The following UNC79 variants were observed in gnomAD, a reference collection of about 807,000 sequenced individuals.
UNC79 encodes the protein protein unc-79 homolog.
UNC79 carries 37 observed loss-of-function variants against 283.1 expected under a neutral mutation model. That is an observed-to-expected ratio of 0.13 (90% CI 0.10 to 0.17). UNC79 has a LOEUF of 0.17. Among genes scored for constraint, UNC79 ranks in the 10% least tolerant of loss-of-function variants. The pLI is 1.00. For missense variants in UNC79, 2,272 were observed against 3,211.1 expected (o/e 0.71, Z 7.07); for synonymous variants, 1,107 against 1,200.2 (o/e 0.92, Z 1.61).
chr14:93,547,446 TG>T (rs2061656517), intron 14 of UNC79, among the ~76,000 whole-genome samples: 5 of 152,332 alleles, frequency 3.3e-5, no homozygotes, highest in African/African-American at 1.2e-4. Flanking sequence ...ATTTAGGATT[TG>T]GCTTTGGAAA....
intron 1 of UNC79, among the ~76,000 whole-genome samples, chr14:93,401,745 A>G (rs923928427): frequency 2.0e-5 from 3 of 152,182 alleles, no homozygotes; most frequent in African/African-American, 7.2e-5. Context: ...AAATTGCCCA[A>G]TGTCTTGTGA....
chr14:93,706,845 A>G (rs2075914045), exon 49 of UNC79: 1 of 1,614,136 alleles, frequency 6.2e-7, no homozygotes, highest in Admixed American at 1.7e-5. Context: ...CACTCAGTTC[A>G]AAATGGCCCA....
At chr14:93,590,827 T>G (rs1200734581) in intron 22 of UNC79, among the ~76,000 whole-genome samples, 1 of 152,222 alleles carries the variant, frequency 6.6e-6, no homozygotes, top group Non-Finnish European at 1.5e-5. Context: ...CTGCCTGGTT[T>G]GCATTCTTCA....
chr14:93,634,704 TCTG>T, intron 31 of UNC79, 67 bp downstream of exon 34: 2 of 1,356,722 alleles, frequency 1.5e-6, no homozygotes, highest in Non-Finnish European at 2.1e-6. Flanking sequence ...CTGTGTCCAC[TCTG>T]CTCCCTTGTT....
At chr14:93,467,090 A>C (rs567943373) in intron 1 of UNC79, among the ~76,000 whole-genome samples, 1 of 152,304 alleles carries the variant, frequency 6.6e-6, no homozygotes, top group African/African-American at 2.4e-5. Flanking sequence ...TCATCATGTT[A>C]ATCTACTCTT....
At chr14:93,537,732 A>C (rs1444957202) in intron 11 of UNC79, among the ~76,000 whole-genome samples, 1 of 152,216 alleles carries the variant, frequency 6.6e-6, no homozygotes, top group Non-Finnish European at 1.5e-5. Context: ...AGGTAACTTT[A>C]CACAGGGCTT....
At chr14:93,374,459 T>G (rs2054515283) in intron 1 of UNC79, among the ~76,000 whole-genome samples, 2 of 152,234 alleles carry the variant, frequency 1.3e-5, no homozygotes, top group South Asian at 4.1e-4. Context: ...TGATACTCTT[T>G]TCTTTGCCTA....
At chr14:93,484,501 TA>T (rs1342899673) in intron 4 of UNC79, among the ~76,000 whole-genome samples, 1 of 152,238 alleles carries the variant, frequency 6.6e-6, no homozygotes, top group Non-Finnish European at 1.5e-5. Context: ...AGGAACATAT[TA>T]AGGCATTGTT....
chr14:93,580,805 A>G (rs1336350283), intron 19 of UNC79, among the ~76,000 whole-genome samples: 3 of 152,152 alleles, frequency 2.0e-5, no homozygotes, highest in Non-Finnish European at 2.9e-5. Flanking sequence ...TCCCAGGCTC[A>G]GGTGATTCTC....
chr14:93,379,513 G>A (rs753465817), intron 1 of UNC79, among the ~76,000 whole-genome samples: 9 of 151,996 alleles, frequency 5.9e-5, no homozygotes, highest in Non-Finnish European at 5.9e-5. Context: ...CATACACCTC[G>A]TTTGGTATAT....
intron 1 of UNC79, among the ~76,000 whole-genome samples, chr14:93,370,952 A>G (rs913941985): frequency 6.6e-5 from 10 of 152,176 alleles, no homozygotes; most frequent in Admixed American, 6.5e-4. Context: ...AAATAGAAGA[A>G]TTATTTGAAA....
At chr14:93,538,283 C>T (rs1359169118) in intron 12 of UNC79, 65 bp downstream of exon 12, 9 of 1,438,654 alleles carry the variant, frequency 6.3e-6, no homozygotes, top group Non-Finnish European at 8.3e-6. Context: ...AAGCTCCGCA[C>T]ACTGAGATGT....
intron 26 of UNC79, among the ~76,000 whole-genome samples, chr14:93,605,815 G>A (rs552768863): frequency 6.6e-6 from 1 of 152,260 alleles, no homozygotes; most frequent in South Asian, 2.1e-4. Context: ...AGTGGGAGGG[G>A]AGAGAGAAAA....
chr14:93,422,253 A>C (rs1432013787), intron 1 of UNC79, among the ~76,000 whole-genome samples: 1 of 151,806 alleles, frequency 6.6e-6, no homozygotes, highest in Non-Finnish European at 1.5e-5. Context: ...AAGATTTAAA[A>C]ATTTTCTGAT....
At chr14:93,353,056 A>T (rs1343072996) in intron 1 of UNC79, among the ~76,000 whole-genome samples, 1 of 152,206 alleles carries the variant, frequency 6.6e-6, no homozygotes, top group Non-Finnish European at 1.5e-5. Flanking sequence ...TCAGCCTTCA[A>T]TCAGCTGAGC....
At chr14:93,641,644 G>C (rs1286792107) in intron 33 of UNC79, among the ~76,000 whole-genome samples, 2 of 152,120 alleles carry the variant, frequency 1.3e-5, no homozygotes, top group Non-Finnish European at 2.9e-5. Flanking sequence ...TAGAGTGACT[G>C]TCTCAAAAGC....
At chr14:93,342,874 A>G (rs1233629164) in intron 1 of UNC79, among the ~76,000 whole-genome samples, 1 of 152,262 alleles carries the variant, frequency 6.6e-6, no homozygotes, top group Admixed American at 6.5e-5. Context: ...GCTAAGGCAT[A>G]GCAAGAGTGG....
At chr14:93,394,658 C>G (rs535234303) in intron 1 of UNC79, among the ~76,000 whole-genome samples, 2 of 152,118 alleles carry the variant, frequency 1.3e-5, no homozygotes, top group Non-Finnish European at 1.5e-5. Context: ...CCACCCTCCT[C>G]AGCCTCCCAA....
At chr14:93,586,250 C>T (rs1034290275) in intron 20 of UNC79, among the ~76,000 whole-genome samples, 3 of 152,202 alleles carry the variant, frequency 2.0e-5, no homozygotes, top group Non-Finnish European at 4.4e-5. Flanking sequence ...GGTTCCAGGT[C>T]CCTTCAGGGA....
Sources: gnomAD v4.1 joint callset for allele counts (sites outside exome capture counted in the v4.1 genomes callset) on GRCh38, gnomAD v4.1.1 for gene constraint, MANE v1.5 for transcripts, NCBI Gene and HGNC (gene_info 2026-07-23, HGNC 2026-07-21) for gene names.